EDIL3: variants seen among roughly 807,000 people sequenced by gnomAD.
EDIL3 encodes the protein EGF like and discoidin domains 3, also known as EGF-like repeat and discoidin I-like domain-containing protein 3.
Under a neutral mutation model 67.4 loss-of-function variants are expected in EDIL3, and 37 were observed. The observed-to-expected ratio is 0.55, with a 90% CI of 0.42 to 0.72. The LOEUF (loss-of-function observed/expected upper bound fraction) is 0.72, where lower values mean the gene tolerates loss of function less well. EDIL3 is among the 30% of genes least tolerant of loss of function. The pLI is 0.00. For missense variants in EDIL3, 527 were observed against 586.3 expected (o/e 0.90, Z 1.04); for synonymous variants, 195 against 196.3 (o/e 0.99, Z 0.05).
chr5:84,129,786 G>A (rs1747929192), intron 5 of EDIL3, among the ~76,000 whole-genome samples: 1 of 152,000 alleles, frequency 6.6e-6, no homozygotes, highest in Non-Finnish European at 1.5e-5. Context: ...CCTTGTGATT[G>A]CACAAAAACA....
At chr5:84,338,703 G>C (rs1045808219) in intron 1 of EDIL3, among the ~76,000 whole-genome samples, 20 of 152,160 alleles carry the variant, frequency 1.3e-4, no homozygotes, top group Admixed American at 3.3e-4. Flanking sequence ...TCACATGATA[G>C]GAGGCAGTAA....
chr5:83,963,846 T>C (rs1367649229), intron 9 of EDIL3, among the ~76,000 whole-genome samples: 1 of 151,820 alleles, frequency 6.6e-6, no homozygotes, highest in Non-Finnish European at 1.5e-5. Context: ...ATTTTCACAA[T>C]GGAACATTAG....
rs77058672 is a variant in EDIL3 at position 84,006,686 on chromosome 5, T to G, written c.1138-43326A>C. Reference sequence around the variant, plus strand: ...CAACCCCTGTGACACACAATTTATCTATGGAACAAACCTAAACAGGTAACA... The same window carrying G: ...CAACCCCTGTGACACACAATTTATCGATGGAACAAACCTAAACAGGTAACA... On this transcript the variant is annotated intron_variant, in intron 9 of 10. Transcript: ENST00000296591. 9.3e-3 allele frequency among the ~76,000 whole-genome samples: 1,420 copies of G among 152,266 alleles called. 16 individuals are homozygous for G. The highest frequency in any genetic ancestry group is 0.025 in the African/African-American group (1,030 of 41,570).
intron 6 of EDIL3, among the ~76,000 whole-genome samples, chr5:84,075,915 C>CACACACACAG: frequency 6.8e-6 from 1 of 147,970 alleles, no homozygotes; most frequent in East Asian, 2.0e-4. Flanking sequence ...CACACACACA[C>CACACACACAG]ACAGACACAC....
chr5:84,229,870 C>G lies in EDIL3; in HGVS notation c.211G>C (p.Glu71Gln). ...SVVEVASDEE[E>Q]PTSAGPCTPN... is the part of the protein sequence containing the mutation. The stretch of plus-strand genomic sequence containing the variant: ...GGAACTTTACCTGCTGAAGTTGGTT[C>G]TTCTTCATCTGATGCTATGATAAGA... The change falls in exon 3 of 11, where the codon GAA becomes CAA. Residue 71 changes from glutamate (E) to glutamine (Q), a missense_variant. By Grantham distance (29) the Glu-to-Gln change is conservative (BLOSUM62 2). Coordinates refer to ENST00000296591, the MANE Select transcript of EDIL3 (RefSeq NM_005711.5). The G allele has an allele frequency of 6.3e-7, 1 of 1,594,832 alleles. No homozygotes were observed. The highest frequency in any genetic ancestry group is 1.7e-4 in the Middle Eastern group (1 of 5,960).
At chr5:84,105,017 G>A (rs1275426576) in intron 6 of EDIL3, among the ~76,000 whole-genome samples, 3 of 151,972 alleles carry the variant, frequency 2.0e-5, no homozygotes, top group African/African-American at 7.2e-5. Flanking sequence ...TCTGAATTTT[G>A]GCTATGAATA....
intron 5 of EDIL3, among the ~76,000 whole-genome samples, chr5:84,112,053 A>G (rs1283770980): frequency 3.9e-5 from 6 of 152,026 alleles, no homozygotes; most frequent in Admixed American, 1.3e-4. Flanking sequence ...CTAGATCAAG[A>G]TGGGTTGGTG....
intron 3 of EDIL3, among the ~76,000 whole-genome samples, chr5:84,203,875 A>C (rs1044895373): frequency 1.3e-5 from 2 of 152,180 alleles, no homozygotes; most frequent in African/African-American, 2.4e-5. Flanking sequence ...GGCGTATATC[A>C]CATCTGTAGA....
chr5:84,106,640 A>G lies in EDIL3; in HGVS notation c.651+9T>C. 6.3e-7 allele frequency: 1 copy of G among 1,595,076 alleles called. No homozygotes were observed. ...TATAACATTAACCTTGTCCCATCCC[A>G]TCTGTTACCTGAATCCACGGCCATC... On this transcript the variant is annotated intron_variant, in intron 6 of 10. Transcript: ENST00000296591.
intron 1 of EDIL3, among the ~76,000 whole-genome samples, chr5:84,351,944 GA>G (rs1561265691): frequency 6.6e-6 from 1 of 151,314 alleles, no homozygotes; most frequent in Non-Finnish European, 1.5e-5. Context: ...AGCTCAACAA[GA>G]AAAAGAAAAC....
intron 1 of EDIL3, among the ~76,000 whole-genome samples, chr5:84,366,471 G>A (rs1747736694): frequency 6.6e-6 from 1 of 152,110 alleles, no homozygotes. Context: ...TTTGTCTAAT[G>A]CTTACTTCTT....
chr5:84,338,750 T>A (rs564209870), intron 1 of EDIL3, among the ~76,000 whole-genome samples: 1 of 152,116 alleles, frequency 6.6e-6, no homozygotes, highest in Non-Finnish European at 1.5e-5. Context: ...TGAAACCTTT[T>A]ACTAGGAAAA....
chr5:84,006,198 C>A (rs780054587), intron 9 of EDIL3, among the ~76,000 whole-genome samples: 1 of 151,480 alleles, frequency 6.6e-6, no homozygotes, highest in Non-Finnish European at 1.5e-5. Flanking sequence ...TTGTCACAAA[C>A]CAATGAAAAA....
intron 1 of EDIL3, among the ~76,000 whole-genome samples, chr5:84,322,534 T>G (rs1642923952): frequency 6.6e-6 from 1 of 152,010 alleles, no homozygotes; most frequent in Admixed American, 6.6e-5. Flanking sequence ...TGAATAAAAT[T>G]TTTAAAAAAT....
At chr5:84,177,135 A>G (rs1365440317) in intron 4 of EDIL3, among the ~76,000 whole-genome samples, 1 of 152,164 alleles carries the variant, frequency 6.6e-6, no homozygotes, top group Admixed American at 6.6e-5. Context: ...AAAACCTGCC[A>G]TGAATGTCTA....
intron 3 of EDIL3, among the ~76,000 whole-genome samples, chr5:84,181,851 A>G (rs1173377681): frequency 6.6e-6 from 1 of 152,184 alleles, no homozygotes; most frequent in Non-Finnish European, 1.5e-5. Context: ...GAACATATTT[A>G]TAAGGAAAAG....
intron 9 of EDIL3, among the ~76,000 whole-genome samples, chr5:84,046,464 T>C (rs1746226575): frequency 6.6e-6 from 1 of 152,188 alleles, no homozygotes; most frequent in African/African-American, 2.4e-5. Context: ...TGACAAGTGC[T>C]GAATCCCCTT....
chr5:84,269,031 AC>A (rs1745408735), intron 1 of EDIL3, among the ~76,000 whole-genome samples: 4 of 152,314 alleles, frequency 2.6e-5, no homozygotes, highest in East Asian at 3.9e-4. Flanking sequence ...AACTTTAAAC[AC>A]CCTCTTCTTT....
intron 1 of EDIL3, among the ~76,000 whole-genome samples, chr5:84,335,742 A>T (rs1483705114): frequency 6.6e-6 from 1 of 152,176 alleles, no homozygotes; most frequent in African/African-American, 2.4e-5. Flanking sequence ...GTTATGGAAG[A>T]TATCTTAGAG....
Sources: allele counts gnomAD v4.1 joint callset (sites outside exome capture counted in the v4.1 genomes callset), GRCh38; gene constraint gnomAD v4.1.1; transcripts MANE v1.5; gene names NCBI Gene and HGNC (gene_info 2026-07-23, HGNC 2026-07-21).